The following STK39 variants were observed in gnomAD, a reference collection of about 807,000 sequenced individuals.
STK39 encodes STE20/SPS1-related proline-alanine-rich protein kinase.
Under a neutral mutation model 77.8 loss-of-function variants are expected in STK39, and 20 were observed. The ratio of observed to expected loss-of-function variants is 0.26; its 90% CI spans 0.18 to 0.37. STK39 has a LOEUF of 0.37. STK39 is among the 10% of genes least tolerant of loss of function. The pLI is 1.00. For missense variants in STK39, 479 were observed against 656.5 expected (o/e 0.73, Z 2.95); for synonymous variants, 246 against 234.1 (o/e 1.05, Z -0.47).
chr2:168,010,751 A>G (rs1684250480), intron 16 of STK39, among the ~76,000 whole-genome samples: 1 of 152,224 alleles, frequency 6.6e-6, no homozygotes, highest in South Asian at 2.1e-4. Context: ...ATCTGCATTT[A>G]TGATATATCA....
At chr2:168,184,461 C>A (rs937065567) in intron 1 of STK39, among the ~76,000 whole-genome samples, 1 of 152,274 alleles carries the variant, frequency 6.6e-6, no homozygotes, top group South Asian at 2.1e-4. Flanking sequence ...AAAGATTTCC[C>A]TTCAACTATA....
chr2:168,192,476 C>G (rs1288996653), intron 1 of STK39, among the ~76,000 whole-genome samples: 2 of 152,170 alleles, frequency 1.3e-5, no homozygotes, highest in Admixed American at 1.3e-4. Flanking sequence ...TTTTTAATAT[C>G]TAACACTTTC....
At chr2:168,209,029 C>T (rs937325612) in intron 1 of STK39, among the ~76,000 whole-genome samples, 2 of 152,172 alleles carry the variant, frequency 1.3e-5, no homozygotes, top group African/African-American at 4.8e-5. Context: ...GTGGCTATCC[C>T]AAGGATAGCA....
chr2:168,099,243 T>C (rs1686756605), intron 10 of STK39, among the ~76,000 whole-genome samples: 1 of 152,224 alleles, frequency 6.6e-6, no homozygotes, highest in Non-Finnish European at 1.5e-5. Flanking sequence ...CAATAAGTGA[T>C]GGGGTGATTC....
intron 10 of STK39, among the ~76,000 whole-genome samples, chr2:168,082,498 C>A (rs890064168): frequency 6.1e-4 from 93 of 152,306 alleles, no homozygotes; most frequent in African/African-American, 2.1e-3. Context: ...TCCCTGTGGC[C>A]ATAACACTGT....
chr2:167,962,045 C>G (rs1035863294), intron 17 of STK39, among the ~76,000 whole-genome samples: 1 of 152,170 alleles, frequency 6.6e-6, no homozygotes, highest in East Asian at 1.9e-4. Flanking sequence ...TGTCCCAGTG[C>G]TCCCCTGAGT....
intron 16 of STK39, among the ~76,000 whole-genome samples, chr2:167,977,480 A>G (rs921192702): frequency 2.0e-5 from 3 of 151,796 alleles, no homozygotes; most frequent in African/African-American, 7.3e-5. Flanking sequence ...ACAATGCTGT[A>G]TGGAAAATGG....
chr2:168,170,647 C>T (rs1688800513), intron 2 of STK39, among the ~76,000 whole-genome samples: 1 of 152,164 alleles, frequency 6.6e-6, no homozygotes, highest in Admixed American at 6.5e-5. Flanking sequence ...AAGTGGTAGA[C>T]TGAGCTTTGA....
At chr2:168,193,448 C>G (rs1441444337) in intron 1 of STK39, among the ~76,000 whole-genome samples, 1 of 152,202 alleles carries the variant, frequency 6.6e-6, no homozygotes, top group South Asian at 2.1e-4. Context: ...TCTTGGCAAC[C>G]CCAGGGGGCC....
intron 14 of STK39, among the ~76,000 whole-genome samples, chr2:168,045,879 C>G (rs76262801): frequency 1.3e-5 from 2 of 152,066 alleles, no homozygotes; most frequent in Non-Finnish European, 2.9e-5. Flanking sequence ...GGAACCCTCA[C>G]GAGTTACTGG....
At chr2:168,015,061 T>G (rs910142334) in intron 15 of STK39, among the ~76,000 whole-genome samples, 1 of 152,232 alleles carries the variant, frequency 6.6e-6, no homozygotes, top group Admixed American at 6.5e-5. Context: ...TTATTTTGTA[T>G]GCATGTAAGT....
chr2:168,074,921 A>T (rs1686037852), intron 12 of STK39, 61 bp downstream of exon 12: 1 of 1,585,104 alleles, frequency 6.3e-7, no homozygotes, highest in African/African-American at 1.4e-5. Context: ...AATGGATCAG[A>T]CTCTGATACC....
intron 14 of STK39, among the ~76,000 whole-genome samples, chr2:168,034,492 T>C (rs1489286754): frequency 6.6e-6 from 1 of 152,190 alleles, no homozygotes; most frequent in Non-Finnish European, 1.5e-5. Context: ...AAAAAAGGGA[T>C]GGAAGAAAAG....
At chr2:168,140,855 G>A (rs1687963004) in intron 5 of STK39, 97 bp from the exon 6 acceptor site, 1 of 1,002,246 alleles carries the variant, frequency 1.0e-6, no homozygotes, top group South Asian at 1.7e-5. Context: ...GAGCTTTACA[G>A]TGGTGATGAA....
chr2:168,178,698 A>G (rs920983292), intron 2 of STK39, among the ~76,000 whole-genome samples: 2 of 152,202 alleles, frequency 1.3e-5, no homozygotes, highest in Non-Finnish European at 2.9e-5. Context: ...CTCATCTAAC[A>G]CTTCTTTTCC....
intron 10 of STK39, among the ~76,000 whole-genome samples, chr2:168,126,921 C>T (rs1687558820): frequency 6.6e-6 from 1 of 152,166 alleles, no homozygotes; most frequent in Non-Finnish European, 1.5e-5. Context: ...AATTTGCATT[C>T]TCCCTTCACT....
chr2:168,108,404 C>T (rs370759311), intron 10 of STK39, among the ~76,000 whole-genome samples: 12 of 151,900 alleles, frequency 7.9e-5, no homozygotes, highest in Non-Finnish European at 1.2e-4. Context: ...AAAAATTAGC[C>T]GGGCGTAGTG....
intron 5 of STK39, among the ~76,000 whole-genome samples, chr2:168,153,970 C>T (rs1374425136): frequency 1.3e-5 from 2 of 152,092 alleles, no homozygotes; most frequent in Admixed American, 1.3e-4. Context: ...ATCCAGATGC[C>T]GTGTAGAGAA....
At chr2:168,141,215 G>A (rs891982331) in intron 5 of STK39, among the ~76,000 whole-genome samples, 1 of 152,176 alleles carries the variant, frequency 6.6e-6, no homozygotes, top group African/African-American at 2.4e-5. Context: ...TTTATAAGAA[G>A]ATGAATTAAT....
Sources: gnomAD v4.1 joint callset for allele counts (sites outside exome capture counted in the v4.1 genomes callset) on GRCh38, gnomAD v4.1.1 for gene constraint, MANE v1.5 for transcripts, NCBI Gene and HGNC (gene_info 2026-07-23, HGNC 2026-07-21) for gene names.